The following PRKN variants were observed in gnomAD, a reference collection of about 807,000 sequenced individuals.
PRKN encodes parkin RBR E3 ubiquitin protein ligase.
In PRKN, 56 loss-of-function variants were observed where a neutral mutation model predicts 59.5. The observed-to-expected ratio is 0.94, with a 90% CI of 0.76 to 1.18. The LOEUF (loss-of-function observed/expected upper bound fraction) is 1.18, where lower values mean the gene tolerates loss of function less well. Ranked by LOEUF, PRKN falls within the 50% of genes most tolerant of loss-of-function variation. The pLI is 0.00. For missense variants in PRKN, 657 were observed against 596.4 expected, an observed-to-expected ratio of 1.10 and a Z score of -1.06; for synonymous variants, 250 against 222.1, an observed-to-expected ratio of 1.13 and a Z score of -1.12.
At position 161,677,051 on chromosome 6, in the gene PRKN, G is replaced by C. The variant is rs146477041; in HGVS notation, c.872-107635C>G. On this transcript the variant is annotated intron_variant, in intron 7 of 11. Transcript: ENST00000366898. ...AATATATATTTGCTTTGGCTCCTCT[G>C]CTCTATTTTACATCAATTCTTGTGA... Among the ~76,000 whole-genome samples, 5 of 152,242 alleles carry C rather than the reference G, an allele frequency of 3.3e-5. No individual in the cohort carries two copies. In the East Asian group the frequency reaches 9.7e-4, roughly 29 times the overall value.
chr6:161,637,210 G>A (rs1346751130), intron 7 of PRKN, among the ~76,000 whole-genome samples: 1 of 152,070 alleles, frequency 6.6e-6, no homozygotes, highest in Non-Finnish European at 1.5e-5. Context: ...TGCTTCTGAG[G>A]GTCCCTTCAC....
chr6:161,605,514 CTTTT>C (rs71704943), intron 7 of PRKN, among the ~76,000 whole-genome samples: 3 of 142,698 alleles, frequency 2.1e-5, no homozygotes, highest in African/African-American at 5.1e-5. Flanking sequence ...TGCCCTCTCT[CTTTT>C]TTTTTTTTTT....
intron 5 of PRKN, among the ~76,000 whole-genome samples, chr6:161,977,542 G>GTTTTTTTTTTTTTTTTTTTTTTTTT (rs1554256833): frequency 9.6e-6 from 1 of 104,522 alleles, no homozygotes; most frequent in Non-Finnish European, 1.9e-5. Flanking sequence ...TGTTTTTTTG[G>GTTTTTTTTTTTTTTTTTTTTTTTTT]TTTTTTTTTT....
At chr6:162,532,929 G>A (rs67337490) in intron 1 of PRKN, among the ~76,000 whole-genome samples, 14,314 of 152,202 alleles carry the variant, frequency 0.094, 761 homozygotes, top group Middle Eastern at 0.18. Flanking sequence ...ATTCTAAGTC[G>A]CCTTTAATAA....
At chr6:162,044,794 C>T (rs1395715881) in intron 5 of PRKN, among the ~76,000 whole-genome samples, 1 of 152,218 alleles carries the variant, frequency 6.6e-6, no homozygotes, top group African/African-American at 2.4e-5. Context: ...CCTTGGGCCT[C>T]ACCTCCATGA....
chr6:162,714,811 G>T (rs1315350868), intron 1 of PRKN, among the ~76,000 whole-genome samples: 2 of 152,144 alleles, frequency 1.3e-5, no homozygotes, highest in Admixed American at 6.5e-5. Flanking sequence ...AAGAGACAAA[G>T]CATCTACGTA....
At chr6:162,204,563 A>T (rs527874628) in intron 3 of PRKN, among the ~76,000 whole-genome samples, 1 of 152,352 alleles carries the variant, frequency 6.6e-6, no homozygotes, top group South Asian at 2.1e-4. Flanking sequence ...GATTTACCAA[A>T]TTCTCCTGGA....
rs1786453171 is a variant in PRKN at position 161,390,378 on chromosome 6, G to T, written c.1084-3501C>A. Reference sequence around the variant, plus strand: ...AGTTCCCAGTGTTAATGTAGATTGTGCTATTTTCCTTTTGGTGACATTGTA... The same window carrying T: ...AGTTCCCAGTGTTAATGTAGATTGTTCTATTTTCCTTTTGGTGACATTGTA... On this transcript the variant is annotated intron_variant, in intron 9 of 11. Coordinates refer to ENST00000366898, the MANE Select transcript of PRKN (RefSeq NM_004562.3). This position sits in a 1 kb window ranked among gnomAD's most constrained non-coding sequence, Gnocchi z 7.0. Among the ~76,000 whole-genome samples the T allele has an allele frequency of 6.6e-6, 1 of 152,214 alleles. No homozygotes were observed. The highest frequency in any genetic ancestry group is 1.5e-5 in the Non-Finnish European group (1 of 68,032).
At chr6:162,354,044 G>A (rs1190289812) in intron 2 of PRKN, among the ~76,000 whole-genome samples, 1 of 152,064 alleles carries the variant, frequency 6.6e-6, no homozygotes, top group Non-Finnish European at 1.5e-5. Flanking sequence ...AACCAAACTA[G>A]TTTCCTTTAT....
chr6:162,106,533 T>C (rs1436589691), intron 4 of PRKN, among the ~76,000 whole-genome samples: 1 of 152,226 alleles, frequency 6.6e-6, no homozygotes, highest in Non-Finnish European at 1.5e-5. Context: ...TATCTATTTT[T>C]AAAAGCATTT....
At chr6:162,481,203 C>T (rs139410320) in intron 1 of PRKN, among the ~76,000 whole-genome samples, 201 of 152,234 alleles carry the variant, frequency 1.3e-3, no homozygotes, top group African/African-American at 4.6e-3. Flanking sequence ...GTGAAGCTTT[C>T]AAAAATAACC....
intron 1 of PRKN, among the ~76,000 whole-genome samples, chr6:162,570,236 G>GA (rs565931556): frequency 5.5e-4 from 84 of 152,232 alleles, no homozygotes; most frequent in African/African-American, 1.9e-3. Flanking sequence ...AGAGAAAGGC[G>GA]AATCAAAACT....
In PRKN at chr6:162,647,356, CAT is replaced by C. The variant is rs570923475; in HGVS notation, c.7+80304_7+80305del. Reference sequence around the variant, plus strand: ...AAACAATCTGTTTTTGGAGAAAAAACATATTAGGTCAGATGTCATGGAGGGCT... The same window carrying C: ...AAACAATCTGTTTTTGGAGAAAAAACATTAGGTCAGATGTCATGGAGGGCT... On this transcript the variant is annotated intron_variant, in intron 1 of 11. Coordinates refer to ENST00000366898, the MANE Select transcript of PRKN (RefSeq NM_004562.3). Among the ~76,000 whole-genome samples the C allele has an allele frequency of 1.1e-4, 16 of 151,984 alleles. No homozygotes were observed. In the South Asian group the frequency reaches 3.1e-3, roughly 30 times the overall value.
intron 2 of PRKN, among the ~76,000 whole-genome samples, chr6:162,354,848 A>C (rs958156020): frequency 4.6e-5 from 7 of 152,056 alleles, no homozygotes; most frequent in African/African-American, 1.7e-4. Context: ...TTTTTGAACT[A>C]AGCAAATAAA....
intron 6 of PRKN, among the ~76,000 whole-genome samples, chr6:161,895,507 A>T (rs35853860): frequency 2.3e-3 from 239 of 104,866 alleles, no homozygotes; most frequent in East Asian, 5.3e-3. Flanking sequence ...CGCCCACCCC[A>T]CCTGCCGTTA....
intron 5 of PRKN, among the ~76,000 whole-genome samples, chr6:161,987,463 C>T (rs535667455): frequency 6.6e-6 from 1 of 152,308 alleles, no homozygotes; most frequent in Non-Finnish European, 1.5e-5. Flanking sequence ...GCAAAATCTG[C>T]AGATGCTCAA....
chr6:162,000,551 T>C (rs990455656), intron 5 of PRKN, among the ~76,000 whole-genome samples: 1 of 152,062 alleles, frequency 6.6e-6, no homozygotes, highest in Non-Finnish European at 1.5e-5. Flanking sequence ...TTTTGGATGG[T>C]AGTTTTTCAT....
chr6:162,545,494 C>A (rs1779083076), intron 1 of PRKN, among the ~76,000 whole-genome samples: 1 of 152,036 alleles, frequency 6.6e-6, no homozygotes, highest in Non-Finnish European at 1.5e-5. Flanking sequence ...CCAGAGCAGC[C>A]ATGGCTACAT....
intron 9 of PRKN, among the ~76,000 whole-genome samples, chr6:161,495,377 G>T (rs933906224): frequency 3.3e-5 from 5 of 152,190 alleles, no homozygotes; most frequent in Non-Finnish European, 5.9e-5. Context: ...CTCCCGATGT[G>T]TATCTTCTCC....
Sources: allele counts gnomAD v4.1 joint callset (sites outside exome capture counted in the v4.1 genomes callset), GRCh38; gene constraint gnomAD v4.1.1; non-coding constraint Gnocchi (gnomAD v3.1); transcripts MANE v1.5; gene names NCBI Gene and HGNC (gene_info 2026-07-23, HGNC 2026-07-21).